Variants in AGBL1 observed in about 807,000 individuals in gnomAD.
The protein encoded by AGBL1 is AGBL carboxypeptidase 1.
A neutral mutation model predicts 118.9 loss-of-function variants in AGBL1; 130 were observed. The ratio of observed to expected loss-of-function variants is 1.09; its 90% CI spans 0.95 to 1.26. AGBL1 has a LOEUF of 1.26. AGBL1 is among the 50% of genes most tolerant of loss of function. The probability of loss-of-function intolerance (pLI) is 0.00; values close to 1 mark genes in which losing one functional copy is unlikely to be tolerated. For missense variants in AGBL1, 1,584 were observed against 1,298.1 expected, an observed-to-expected ratio of 1.22 and a Z score of -3.38; for synonymous variants, 555 against 478.9, an observed-to-expected ratio of 1.16 and a Z score of -2.08.
intron 21 of AGBL1, among the ~76,000 whole-genome samples, chr15:86,658,876 A>T (rs1435779498): frequency 6.6e-6 from 1 of 152,224 alleles, no homozygotes; most frequent in Non-Finnish European, 1.5e-5. Context: ...GATAAATCAT[A>T]GAATGTTAGA....
At chr15:86,234,130 G>A (rs890421641) in intron 6 of AGBL1, among the ~76,000 whole-genome samples, 5 of 152,048 alleles carry the variant, frequency 3.3e-5, no homozygotes, top group Non-Finnish European at 7.4e-5. Context: ...CCTCTGTCCT[G>A]TGTATCTGCT....
chr15:86,470,894 A>T (rs1335160322), intron 18 of AGBL1, among the ~76,000 whole-genome samples: 1 of 152,016 alleles, frequency 6.6e-6, no homozygotes, highest in East Asian at 1.9e-4. Flanking sequence ...GCATTACTGA[A>T]TTTGTTTATT....
At chr15:86,934,006 G>A (rs975575308) in intron 23 of AGBL1, among the ~76,000 whole-genome samples, 8 of 152,290 alleles carry the variant, frequency 5.3e-5, no homozygotes, top group South Asian at 2.1e-4. Flanking sequence ...AATGTTCTCC[G>A]TCTGTGGATT....
At chr15:86,448,609 A>G (rs2082156146) in intron 18 of AGBL1, among the ~76,000 whole-genome samples, 1 of 152,194 alleles carries the variant, frequency 6.6e-6, no homozygotes, top group Non-Finnish European at 1.5e-5. Context: ...AGTGTCTTAG[A>G]GGAAGGTGAA....
At chr15:86,682,413 A>G (rs1202741840) in intron 22 of AGBL1, among the ~76,000 whole-genome samples, 2 of 152,238 alleles carry the variant, frequency 1.3e-5, no homozygotes, top group African/African-American at 4.8e-5. Flanking sequence ...TGATTCTTCT[A>G]TAATAGATAA....
chr15:86,880,942 A>G (rs1363590412), intron 22 of AGBL1, among the ~76,000 whole-genome samples: 4 of 152,112 alleles, frequency 2.6e-5, no homozygotes, highest in South Asian at 2.1e-4. Flanking sequence ...TAGGAGGGCC[A>G]GGGGAGGGGG....
intron 23 of AGBL1, among the ~76,000 whole-genome samples, chr15:86,938,053 G>C (rs1461155232): frequency 7.2e-6 from 1 of 139,000 alleles, no homozygotes; most frequent in Non-Finnish European, 1.7e-5. Flanking sequence ...ATTGTTCCTT[G>C]TTTTGAGACA....
intron 22 of AGBL1, among the ~76,000 whole-genome samples, chr15:86,735,093 T>C (rs963771231): frequency 2.6e-5 from 4 of 152,044 alleles, no homozygotes; most frequent in African/African-American, 7.3e-5. Context: ...ATTATTATTA[T>C]TATTTAAGAC....
At chr15:86,240,355 ATCT>A (rs1199887777) in intron 6 of AGBL1, among the ~76,000 whole-genome samples, 1 of 152,194 alleles carries the variant, frequency 6.6e-6, no homozygotes, top group Admixed American at 6.5e-5. Context: ...ATCCAGAAAC[ATCT>A]TCTAAATAGA....
intron 22 of AGBL1, among the ~76,000 whole-genome samples, chr15:86,769,204 AG>A (rs2078138970): frequency 1.7e-5 from 1 of 60,278 alleles, no homozygotes; most frequent in Non-Finnish European, 3.2e-5. Context: ...AGAAAGAGGG[AG>A]AGAGAGAGAG....
chr15:86,085,069 A>T (rs1895546121), intron 1 of AGBL1, among the ~76,000 whole-genome samples: 1 of 152,254 alleles, frequency 6.6e-6, no homozygotes, highest in Non-Finnish European at 1.5e-5. Context: ...TGCCTTCATG[A>T]AAATGTGGTA....
At chr15:86,415,489 G>T (rs1178548831) in intron 18 of AGBL1, among the ~76,000 whole-genome samples, 1 of 152,050 alleles carries the variant, frequency 6.6e-6, no homozygotes, top group Non-Finnish European at 1.5e-5. Context: ...ACTTAATAGT[G>T]TTCTTATACA....
intron 22 of AGBL1, among the ~76,000 whole-genome samples, chr15:86,799,248 T>C (rs766245223): frequency 4.6e-5 from 7 of 152,158 alleles, no homozygotes; most frequent in Non-Finnish European, 7.3e-5. Flanking sequence ...TACATATGTA[T>C]ACATGTGCCA....
At chr15:86,654,184 A>T (rs1472155583) in intron 21 of AGBL1, among the ~76,000 whole-genome samples, 1 of 152,160 alleles carries the variant, frequency 6.6e-6, no homozygotes, top group Non-Finnish European at 1.5e-5. Flanking sequence ...GGGTAGAAAA[A>T]GGGAAAAGCA....
At chr15:86,197,098 C>G (rs755231921) in intron 5 of AGBL1, among the ~76,000 whole-genome samples, 19 of 152,174 alleles carry the variant, frequency 1.2e-4, no homozygotes, top group South Asian at 8.3e-4. Flanking sequence ...CCTGAGCTGA[C>G]AAATACAGAT....
chr15:86,337,206 T>C (rs2080384662), intron 17 of AGBL1, among the ~76,000 whole-genome samples: 1 of 152,220 alleles, frequency 6.6e-6, no homozygotes, highest in African/African-American at 2.4e-5. Flanking sequence ...AGTTGCTATT[T>C]GATTCTCATG....
chr15:86,906,812 T>G (rs755337531), intron 22 of AGBL1, among the ~76,000 whole-genome samples: 1 of 151,980 alleles, frequency 6.6e-6, no homozygotes, highest in African/African-American at 2.4e-5. Flanking sequence ...TTGTTACAAC[T>G]TTCCCCCCCA....
intron 22 of AGBL1, among the ~76,000 whole-genome samples, chr15:86,869,361 C>T (rs1313268541): frequency 6.6e-6 from 1 of 151,800 alleles, no homozygotes; most frequent in Non-Finnish European, 1.5e-5. Context: ...GCAGGTCTCT[C>T]CTCCTCTCTG....
intron 22 of AGBL1, among the ~76,000 whole-genome samples, chr15:86,890,191 GTCT>G (rs2080032510): frequency 6.6e-6 from 1 of 152,128 alleles, no homozygotes; most frequent in Admixed American, 6.5e-5. Flanking sequence ...CTGCATGAAT[GTCT>G]TCTTTTGAGA....
Sources: gnomAD v4.1 joint callset for allele counts (sites outside exome capture counted in the v4.1 genomes callset) on GRCh38, gnomAD v4.1.1 for gene constraint, MANE v1.5 for transcripts, NCBI Gene and HGNC (gene_info 2026-07-23, HGNC 2026-07-21) for gene names.